LRBA: variants seen among roughly 807,000 people sequenced by gnomAD.
LRBA encodes LPS responsive beige-like anchor protein, also known as lipopolysaccharide-responsive and beige-like anchor protein.
In LRBA, 176 loss-of-function variants were observed where a neutral mutation model predicts 330.0. That is an observed-to-expected ratio of 0.53 (90% confidence interval 0.47 to 0.60). The LOEUF (loss-of-function observed/expected upper bound fraction) is 0.60. Ranked by LOEUF, LRBA falls within the 20% of genes least tolerant of loss-of-function variation. LRBA has a pLI of 0.00. For synonymous variants in LRBA, 1,230 were observed against 1,193.0 expected, an observed-to-expected ratio of 1.03 and a Z score of -0.64; for missense variants, 3,259 against 3,444.8, an observed-to-expected ratio of 0.95 and a Z score of 1.35.
At chr4:150,489,233 T>TATATACGAATA (rs1758410352) in intron 41 of LRBA, among the ~76,000 whole-genome samples, 1 of 54,752 alleles carries the variant, frequency 1.8e-5, no homozygotes, top group African/African-American at 9.8e-5. Context: ...TAATATATTA[T>TATATACGAATA]ATATACGAAT....
At chr4:150,517,641 A>G (rs1416194544) in intron 40 of LRBA, among the ~76,000 whole-genome samples, 1 of 152,232 alleles carries the variant, frequency 6.6e-6, no homozygotes, top group Non-Finnish European at 1.5e-5. Flanking sequence ...AAAAACAAGC[A>G]ATGAGTAGAT....
chr4:150,482,331 T>C (rs1757383721), intron 42 of LRBA, among the ~76,000 whole-genome samples: 1 of 152,102 alleles, frequency 6.6e-6, no homozygotes. Context: ...AGTATAATAT[T>C]TTCAAATTCA....
At chr4:150,849,336 G>C in intron 25 of LRBA, 86 bp downstream of exon 25, 1 of 1,209,112 alleles carries the variant, frequency 8.3e-7, no homozygotes, top group East Asian at 2.3e-5. Context: ...ACGATGCATA[G>C]TAACCACCAC....
intron 46 of LRBA, among the ~76,000 whole-genome samples, chr4:150,420,293 A>ACACATTATAGTATAGAGTATATATAATG (rs1561150355): frequency 8.8e-6 from 1 of 113,014 alleles, no homozygotes; most frequent in Non-Finnish European, 1.9e-5. Context: ...TATATATAAT[A>ACACATTATAGTATAGAGTATATATAATG]CACATTATAG....
chr4:150,831,865 G>A lies in LRBA; in HGVS notation c.4681C>T (p.Gln1561Ter). The A allele has an allele frequency of 6.2e-7, 1 of 1,604,536 alleles. No homozygotes were observed. Among genetic ancestry groups the A allele is most frequent in the Non-Finnish European group, 8.5e-7 (1 of 1,175,452 alleles). Reference protein sequence around the residue: ...ILEPQNERHSQSCTETGSENE... With the variant: ...ILEPQNERHS ...TCACTGCCAGTTTCTGTACATGACTGGCTATGCCTTTCATTTTGGGGTTCC... is the reference window on the plus strand; with the variant it reads ...TCACTGCCAGTTTCTGTACATGACTAGCTATGCCTTTCATTTTGGGGTTCC... The change falls in exon 29 of 57, where the codon CAG becomes TAG. Residue 1561 changes from glutamine (Q) to a stop codon, truncating the protein, a stop_gained. Coordinates refer to ENST00000651943, the MANE Select transcript of LRBA (RefSeq NM_001364905.1). LOFTEE classifies it high-confidence loss of function.
chr4:150,506,598 A>G (rs1761122437), intron 40 of LRBA, among the ~76,000 whole-genome samples: 1 of 152,250 alleles, frequency 6.6e-6, no homozygotes. Context: ...AGAGCTATCT[A>G]TAACAAACCC....
intron 47 of LRBA, among the ~76,000 whole-genome samples, chr4:150,369,339 T>C (rs1739927894): frequency 6.6e-6 from 1 of 152,170 alleles, no homozygotes. Flanking sequence ...TGCCAGACCT[T>C]CTGATTAGGA....
intron 50 of LRBA, among the ~76,000 whole-genome samples, chr4:150,318,060 G>A (rs1731958587): frequency 6.6e-6 from 1 of 152,122 alleles, no homozygotes; most frequent in South Asian, 2.1e-4. Flanking sequence ...ACTGAGCCCA[G>A]GGAGCTCGCC....
At chr4:150,947,222 G>A (rs1484630678) in intron 2 of LRBA, among the ~76,000 whole-genome samples, 1 of 145,428 alleles carries the variant, frequency 6.9e-6, no homozygotes, top group Non-Finnish European at 1.5e-5. Flanking sequence ...GACAAAGACA[G>A]TACCAAAAAA....
At position 150,908,765 on chromosome 4, in the gene LRBA, T is replaced by C. The variant is rs1579169030; in HGVS notation, c.1254A>G (p.Ala418=). Residue 418 remains alanine (A), a synonymous_variant, in exon 10 of 57, where the codon GCA becomes GCG. Coordinates refer to ENST00000651943, the MANE Select transcript of LRBA (RefSeq NM_001364905.1). ...CTGTAGCCCGTGGATTGTACGTGAA[T>C]GCAATGGCACTAGAGAGTTTCCCAT... ...LYDGKLSSAI[A]FTYNPRATDA... is the part of the protein sequence containing the mutation. 1 of 1,613,806 alleles carries C rather than the reference T, an allele frequency of 6.2e-7. No individual in the cohort carries two copies. Among genetic ancestry groups the C allele is most frequent in the Non-Finnish European group, 8.5e-7 (1 of 1,179,722 alleles).
At chr4:150,863,099 C>G (rs1752176768) in intron 22 of LRBA, among the ~76,000 whole-genome samples, 1 of 151,940 alleles carries the variant, frequency 6.6e-6, no homozygotes, top group Admixed American at 6.6e-5. Flanking sequence ...GAGTTGAAGA[C>G]CAGCCTGAGC....
At chr4:150,818,565 C>CGTGT (rs1342691363) in intron 30 of LRBA, among the ~76,000 whole-genome samples, 2 of 144,026 alleles carry the variant, frequency 1.4e-5, no homozygotes. Flanking sequence ...TGTGTGTGTG[C>CGTGT]GTGCACGAAT....
chr4:150,780,681 ATATGCATAC>A (rs1738087447), intron 34 of LRBA, among the ~76,000 whole-genome samples: 1 of 147,800 alleles, frequency 6.8e-6, no homozygotes. Flanking sequence ...GTATATATAT[ATATGCATAC>A]CAAGTATAAT....
At chr4:150,491,457 C>G (rs1205759659) in intron 40 of LRBA, among the ~76,000 whole-genome samples, 1 of 151,940 alleles carries the variant, frequency 6.6e-6, no homozygotes, top group Non-Finnish European at 1.5e-5. Context: ...TTATAATTTG[C>G]CCAATAATGC....
intron 20 of LRBA, among the ~76,000 whole-genome samples, chr4:150,870,145 A>C (rs983615349): frequency 6.6e-6 from 1 of 152,226 alleles, no homozygotes; most frequent in African/African-American, 2.4e-5. Context: ...ACAATAAAGA[A>C]GACATATTGT....
At chr4:150,457,265 ATGT>A (rs1345936453) in intron 44 of LRBA, among the ~76,000 whole-genome samples, 1 of 152,078 alleles carries the variant, frequency 6.6e-6, no homozygotes, top group Non-Finnish European at 1.5e-5. Flanking sequence ...CTACTGAAAA[ATGT>A]TGTCTTATTA....
In LRBA at chr4:150,529,819, G is replaced by A. The variant is rs58826991; in HGVS notation, c.6331-38784C>T. 1.0e-3 allele frequency among the ~76,000 whole-genome samples: 155 copies of A among 151,946 alleles called. 4 individuals are homozygous for A. The highest frequency in any genetic ancestry group is 3.6e-3 in the African/African-American group (148 of 41,432). ...CTCTACTTTTTCTTATGGAAAATTC[G>A]AAACATACAAATAAAGTAGAGAGAA... On this transcript the variant is annotated intron_variant, in intron 40 of 56. Coordinates refer to ENST00000651943, the MANE Select transcript of LRBA (RefSeq NM_001364905.1).
chr4:150,748,279 T>G (rs906448627), intron 35 of LRBA, among the ~76,000 whole-genome samples: 1 of 152,236 alleles, frequency 6.6e-6, no homozygotes, highest in Admixed American at 6.5e-5. Context: ...CTGACTTATC[T>G]GCTTTCATTC....
intron 40 of LRBA, among the ~76,000 whole-genome samples, chr4:150,500,956 T>A (rs1760183730): frequency 6.6e-6 from 1 of 152,190 alleles, no homozygotes; most frequent in Non-Finnish European, 1.5e-5. Context: ...ATTAAGCTTG[T>A]TTAGTTGGAG....
Sources: allele counts gnomAD v4.1 joint callset (sites outside exome capture counted in the v4.1 genomes callset), GRCh38; gene constraint gnomAD v4.1.1; transcripts MANE v1.5; gene names NCBI Gene and HGNC (gene_info 2026-07-23, HGNC 2026-07-21).